GRK5: variants seen among roughly 807,000 people sequenced by gnomAD.
GRK5 encodes the protein g protein-coupled receptor kinase GRK5.
A neutral mutation model predicts 78.4 loss-of-function variants in GRK5; 40 were observed. That is an observed-to-expected ratio of 0.51 (90% CI 0.40 to 0.66). The LOEUF (loss-of-function observed/expected upper bound fraction) is 0.66. Among genes scored for constraint, GRK5 ranks in the 30% least tolerant of loss-of-function variants. The pLI is 0.00. For synonymous variants in GRK5, 289 were observed against 296.8 expected (o/e 0.97, Z 0.27); for missense variants, 598 against 759.9 (o/e 0.79, Z 2.50).
In GRK5 at chr10:119,431,417, A is replaced by G; in HGVS notation, c.628A>G (p.Lys210Glu). ...TGCCTGCCAGGTTCGGGCCACGGGT[A>G]AAATGTATGCCTGCAAGCGCTTGGA... The part of the protein sequence containing the change: ...VCACQVRATG[K>E]MYACKRLEKK... The change falls in exon 8 of 16, where the codon AAA becomes GAA. Residue 210 changes from lysine to glutamate, a missense_variant. Physicochemically the swap from Lys to Glu is moderately conservative, Grantham distance 56. Transcript: ENST00000392870. The surrounding 1 kb of genome is among the most constrained non-coding windows in gnomAD (Gnocchi z 4.8). 6.2e-7 allele frequency: 1 copy of G among 1,613,814 alleles called. No homozygotes were observed. The highest frequency in any genetic ancestry group is 8.5e-7 in the Non-Finnish European group (1 of 1,179,846).
intron 2 of GRK5, among the ~76,000 whole-genome samples, chr10:119,341,566 C>T (rs1850982188): frequency 6.6e-6 from 1 of 152,112 alleles, no homozygotes; most frequent in Non-Finnish European, 1.5e-5. Flanking sequence ...CTCACCTAGT[C>T]AGGGTTTGCT....
intron 2 of GRK5, among the ~76,000 whole-genome samples, chr10:119,330,035 G>T (rs1850742985): frequency 6.6e-6 from 1 of 151,720 alleles, no homozygotes; most frequent in Non-Finnish European, 1.5e-5. Context: ...GCTAATTTTT[G>T]TATTTTTAGT....
intron 3 of GRK5, among the ~76,000 whole-genome samples, chr10:119,396,106 T>G (rs17095984): frequency 6.6e-6 from 1 of 152,210 alleles, no homozygotes; most frequent in South Asian, 2.1e-4. Flanking sequence ...AACTGTTTAT[T>G]ATTATTTATG....
chr10:119,349,776 A>G (rs1271492878), intron 2 of GRK5, among the ~76,000 whole-genome samples: 1 of 152,090 alleles, frequency 6.6e-6, no homozygotes, highest in African/African-American at 2.4e-5. Context: ...AGTGGCCACC[A>G]CTTCCTACGC....
At chr10:119,338,202 G>A (rs1440731032) in intron 2 of GRK5, among the ~76,000 whole-genome samples, 1 of 152,188 alleles carries the variant, frequency 6.6e-6, no homozygotes, top group African/African-American at 2.4e-5. Context: ...CCTGAGCCTG[G>A]TGGGGAGTTA....
intron 1 of GRK5, among the ~76,000 whole-genome samples, chr10:119,208,345 G>T (rs2133690927): frequency 6.6e-6 from 1 of 152,212 alleles, no homozygotes; most frequent in East Asian, 1.9e-4. Flanking sequence ...GGTTCTGTGT[G>T]AACTGGTGTG....
At chr10:119,394,328 CT>C (rs1851971031) in intron 3 of GRK5, among the ~76,000 whole-genome samples, 2 of 8,400 alleles carry the variant, frequency 2.4e-4, no homozygotes, top group Non-Finnish European at 2.3e-4. Flanking sequence ...GTGTGTGTAT[CT>C]GTGTGTCTGT....
chr10:119,408,530 C>T lies in GRK5; in HGVS notation c.339+11758C>T, dbSNP rs572939970. Reference sequence around the variant, plus strand: ...TGTTCAACCATATAAAGGAATGAAGCGCTAATACATGCCCCAATGTGGATG... The same window carrying T: ...TGTTCAACCATATAAAGGAATGAAGTGCTAATACATGCCCCAATGTGGATG... On this transcript the variant is annotated intron_variant, in intron 4 of 15. Coordinates refer to ENST00000392870, the MANE Select transcript of GRK5 (RefSeq NM_005308.3). 5.5e-4 allele frequency among the ~76,000 whole-genome samples: 84 copies of T among 152,150 alleles called. 1 individual carries two copies. Among genetic ancestry groups the T allele is most frequent in the Admixed American group, 2.1e-3 (32 of 15,278 alleles).
At chr10:119,255,064 A>G (rs1226635452) in intron 1 of GRK5, among the ~76,000 whole-genome samples, 1 of 148,064 alleles carries the variant, frequency 6.8e-6, no homozygotes, top group African/African-American at 2.5e-5. Flanking sequence ...AAAAGAAGGA[A>G]AAACAGAGTA....
In GRK5 at chr10:119,379,164, T is replaced by A. The variant is rs1014379027; in HGVS notation, c.149-1651T>A. On this transcript the variant is annotated intron_variant, in intron 2 of 15. Coordinates refer to ENST00000392870, the MANE Select transcript of GRK5 (RefSeq NM_005308.3). This position sits in a 1 kb window ranked among gnomAD's most constrained non-coding sequence, Gnocchi z 4.1. ...CGATGAGAAATGGGGTTTATTAATG[T>A]GCCAGCATCTGGTCTGAGTGGTTTC... Among the ~76,000 whole-genome samples the A allele has an allele frequency of 2.6e-5, 4 of 152,216 alleles. No individual in the cohort carries two copies.
intron 2 of GRK5, among the ~76,000 whole-genome samples, chr10:119,335,182 C>G (rs962701056): frequency 7.2e-6 from 1 of 139,478 alleles, no homozygotes; most frequent in African/African-American, 2.8e-5. Flanking sequence ...CTCTCCCCCT[C>G]TCCCTCTCCC....
At chr10:119,400,006 T>G (rs964906851) in intron 4 of GRK5, among the ~76,000 whole-genome samples, 1 of 152,244 alleles carries the variant, frequency 6.6e-6, no homozygotes, top group African/African-American at 2.4e-5. Context: ...CTGCATGTAT[T>G]GAGGACACTT....
chr10:119,281,591 T>C (rs1423619101), intron 1 of GRK5, among the ~76,000 whole-genome samples: 2 of 152,122 alleles, frequency 1.3e-5, no homozygotes, highest in African/African-American at 4.8e-5. Flanking sequence ...TGGCATCTTC[T>C]TCACAGGGAG....
intron 9 of GRK5, 143 bp downstream of exon 9, chr10:119,436,984 T>G: frequency 1.3e-6 from 1 of 793,044 alleles, no homozygotes. Context: ...CAGACAGACT[T>G]TCCACTCCAG....
chr10:119,436,982 C>G, intron 9 of GRK5, 141 bp downstream of exon 9: 1 of 799,914 alleles, frequency 1.3e-6, no homozygotes, highest in Non-Finnish European at 1.9e-6. Context: ...GTCAGACAGA[C>G]TTTCCACTCC....
chr10:119,323,250 C>T (rs999993552), intron 1 of GRK5, among the ~76,000 whole-genome samples: 6 of 152,148 alleles, frequency 3.9e-5, no homozygotes, highest in South Asian at 2.1e-4. Flanking sequence ...GCAATGGGAA[C>T]GTCCTTAATG....
chr10:119,361,031 G>A (rs1193952211), intron 2 of GRK5, among the ~76,000 whole-genome samples: 1 of 152,218 alleles, frequency 6.6e-6, no homozygotes, highest in East Asian at 1.9e-4. Flanking sequence ...GGTGGGCTCT[G>A]GCTCCCTGGG....
At chr10:119,262,578 A>G (rs186339693) in intron 1 of GRK5, among the ~76,000 whole-genome samples, 4,035 of 152,126 alleles carry the variant, frequency 0.027, 73 homozygotes, top group Admixed American at 0.056. Flanking sequence ...TCCTGACTTC[A>G]TGATCCGCCC....
chr10:119,384,167 C>T (rs1851757031), intron 3 of GRK5, among the ~76,000 whole-genome samples: 1 of 152,180 alleles, frequency 6.6e-6, no homozygotes, highest in Admixed American at 6.5e-5. Flanking sequence ...TCCCTCAGGC[C>T]TCCCTGCCTG....
Sources: gnomAD v4.1 joint callset for allele counts (sites outside exome capture counted in the v4.1 genomes callset) on GRCh38, gnomAD v4.1.1 for gene constraint, Gnocchi (gnomAD v3.1) non-coding constraint, MANE v1.5 for transcripts, NCBI Gene and HGNC (gene_info 2026-07-23, HGNC 2026-07-21) for gene names.